Variants in EGR2 observed in about 807,000 individuals in gnomAD.
EGR2 encodes the protein early growth response 2, also known as E3 SUMO-protein ligase EGR2.
EGR2 carries 2 observed loss-of-function variants against 21.2 expected under a neutral mutation model. That is an observed-to-expected ratio of 0.09 (90% CI 0.04 to 0.30). The LOEUF (loss-of-function observed/expected upper bound fraction) is 0.30, where lower values mean the gene tolerates loss of function less well. Ranked by LOEUF, EGR2 falls within the 10% of genes least tolerant of loss-of-function variation. EGR2 has a pLI of 1.00. For synonymous variants in EGR2, 282 were observed against 258.2 expected, an observed-to-expected ratio of 1.09 and a Z score of -0.88; for missense variants, 458 against 630.2, an observed-to-expected ratio of 0.73 and a Z score of 2.93.
Position 62,815,863 on chromosome 10 carries a change from C to T in EGR2, c.167G>A (p.Gly56Glu), listed in dbSNP as rs1183395861. Residue 56 changes from glycine (G) to glutamate (E), a missense_variant and splice_region_variant, in exon 1 of 2, where the codon GGA becomes GAA. Transcript: ENST00000242480. ...GPFDQMNGVA[G>E]DGMINIDMTG... ...GCCTGCGAAGACACGCGGCTTACCT[C>T]CGGCCACTCCGTTCATCTGGTCAAA... The T allele has an allele frequency of 1.9e-6, 3 of 1,613,930 alleles. No individual in the cohort carries two copies. In the South Asian group the frequency reaches 3.3e-5, roughly 18 times the overall value.
chr10:62,817,125 G>A (rs1838268584), upstream of EGR2, among the ~76,000 whole-genome samples: 1 of 152,134 alleles, frequency 6.6e-6, no homozygotes, highest in East Asian at 1.9e-4. The surrounding 1 kb of genome is among the most constrained non-coding windows in gnomAD (Gnocchi z 4.4). Flanking sequence ...TTACTGTGGG[G>A]AGCTTCGAGA....
chr10:62,815,946 C>T lies in EGR2; in HGVS notation c.84G>A (p.Val28=). The change falls in exon 1 of 2, where the codon GTG becomes GTA. Residue 28 remains valine, a synonymous_variant. Coordinates refer to ENST00000242480, the MANE Select transcript of EGR2 (RefSeq NM_000399.5). ...TCACCGACGTGGCGGCGAGGTCCTC[C>T]ACCGGGTAGATGTTGTCAGACAGCT... ...VHQLSDNIYP[V]EDLAATSVTI... 1 of 1,614,230 alleles carries T rather than the reference C, an allele frequency of 6.2e-7. No homozygotes were observed. Among genetic ancestry groups the T allele is most frequent in the South Asian group, 1.1e-5 (1 of 91,080 alleles).
In EGR2 at chr10:62,816,302, A is replaced by G; in HGVS notation, c.-273T>C. ...CTGGGAAGCCAGGAGTTGCTGGTGT[A>G]GTGTTATTATAACAGTCAGTGAGTC... On this transcript the variant is annotated 5_prime_UTR_variant, in exon 1 of 2. Transcript: ENST00000242480. 1 of 1,329,710 alleles carries G rather than the reference A, an allele frequency of 7.5e-7. No individual in the cohort carries two copies. Among genetic ancestry groups the G allele is most frequent in the East Asian group, 3.4e-5 (1 of 29,830 alleles). 82.4% of individuals were successfully genotyped at this position (1,329,710 alleles called of 1,614,324 possible). A position where few individuals can be genotyped will look rare whatever the true frequency, so the allele number is the denominator to read the frequency against.
At chr10:62,817,911 C>G (rs879877841), upstream of EGR2, among the ~76,000 whole-genome samples, 3 of 152,234 alleles carry the variant, frequency 2.0e-5, no homozygotes, top group Non-Finnish European at 2.9e-5. The surrounding 1 kb of genome is among the most constrained non-coding windows in gnomAD (Gnocchi z 4.4). Context: ...TCCCGGGTGC[C>G]CAAGTCCAGC....
At position 62,814,436 on chromosome 10, in the gene EGR2, T is replaced by G. The variant is rs1042629449; in HGVS notation, c.202A>C (p.Lys68Gln). The change falls in exon 2 of 2, where the codon AAG becomes CAG. Residue 68 changes from lysine to glutamine, a missense_variant. Physicochemically the swap from Lys to Gln is moderately conservative, Grantham distance 53. This residue lies in a region of EGR2 where 91 missense variants were observed against 105.2 expected (regional missense o/e 0.87). Coordinates refer to ENST00000242480, the MANE Select transcript of EGR2 (RefSeq NM_000399.5). The surrounding 1 kb of genome is among the most constrained non-coding windows in gnomAD (Gnocchi z 4.8). ...GMINIDMTGEKRSLDLPYPSS... is the reference protein window; with the variant it reads ...GMINIDMTGEQRSLDLPYPSS... ...GGATATGGGAGATCCAACGACCTCT[T>G]CTCTCCAGTCATGTCAATGTTGATC... is the stretch of plus-strand genomic sequence containing the variant. 2 of 1,614,046 alleles carry G rather than the reference T, an allele frequency of 1.2e-6. No individual in the cohort carries two copies. The highest frequency in any genetic ancestry group is 8.5e-7 in the Non-Finnish European group (1 of 1,180,008).
Position 62,814,445 on chromosome 10 carries a change from T to G in EGR2, c.193A>C (p.Thr65Pro). The G allele has an allele frequency of 6.2e-7, 1 of 1,613,996 alleles. No individual in the cohort carries two copies. The highest frequency in any genetic ancestry group is 8.5e-7 in the Non-Finnish European group (1 of 1,179,982). ...AGATCCAACGACCTCTTCTCTCCAG[T>G]CATGTCAATGTTGATCATGCCATCT... ...AGDGMINIDM[T>P]GEKRSLDLPY... Residue 65 changes from threonine (T) to proline (P), a missense_variant, in exon 2 of 2, where the codon ACT becomes CCT. By Grantham distance (38) the Thr-to-Pro change is conservative. This residue lies in a region of EGR2 where 91 missense variants were observed against 105.2 expected (regional missense o/e 0.87). Coordinates refer to ENST00000242480, the MANE Select transcript of EGR2 (RefSeq NM_000399.5). The surrounding 1 kb of genome is among the most constrained non-coding windows in gnomAD (Gnocchi z 4.8).
At position 62,816,100 on chromosome 10, in the gene EGR2, G is replaced by A; in HGVS notation, c.-71C>T. ...GTGTCAGAAAAGCCGTTTTGGAGAG[G>A]GGTTGGACTGAGCCTGGGATGGTAT... is the stretch of plus-strand genomic sequence containing the variant. On this transcript the variant is annotated 5_prime_UTR_variant, in exon 1 of 2. Coordinates refer to ENST00000242480, the MANE Select transcript of EGR2 (RefSeq NM_000399.5). 6.2e-7 allele frequency: 1 copy of A among 1,613,102 alleles called. No individual in the cohort carries two copies. The highest frequency in any genetic ancestry group is 8.5e-7 in the Non-Finnish European group (1 of 1,179,854).
upstream of EGR2, chr10:62,818,667 G>C: frequency 8.1e-7 from 1 of 1,235,192 alleles, no homozygotes; most frequent in Non-Finnish European, 1.1e-6. Flanking sequence ...AAAGAACGGG[G>C]GAAAGCCGAA....
upstream of EGR2, chr10:62,818,523 A>G: frequency 3.3e-6 from 4 of 1,201,528 alleles, no homozygotes; most frequent in Non-Finnish European, 4.3e-6. Context: ...AAGCAAGAAA[A>G]GATAGCTGCG....
chr10:62,812,396 A>G lies in EGR2; in HGVS notation c.*811T>C, dbSNP rs1842131728. On this transcript the variant is annotated 3_prime_UTR_variant, in exon 2 of 2. Coordinates refer to ENST00000242480, the MANE Select transcript of EGR2 (RefSeq NM_000399.5). The stretch of plus-strand genomic sequence containing the variant: ...TGCATGCATCCTAGTTTCAGAGAAT[A>G]TATGTACATCCCCCTTAAATAAGTT... 2.6e-5 allele frequency: 4 copies of G among 152,812 alleles called. No individual in the cohort carries two copies. Among genetic ancestry groups the G allele is most frequent in the Admixed American group, 2.0e-4 (3 of 15,284 alleles). The allele number at this position is 152,812 out of a possible 1,614,324, so 9.5% of individuals were successfully genotyped here.
rs1269313182 is a variant in EGR2 at position 62,814,057 on chromosome 10, G to A, written c.581C>T (p.Thr194Ile). Residue 194 changes from threonine to isoleucine, a missense_variant, in exon 2 of 2, where the codon ACC becomes ATC. This residue lies in a region of EGR2 where 253 missense variants were observed against 315.5 expected (regional missense o/e 0.80). Coordinates refer to ENST00000242480, the MANE Select transcript of EGR2 (RefSeq NM_000399.5). This position sits in a 1 kb window ranked among gnomAD's most constrained non-coding sequence, Gnocchi z 4.8. ...DPSAFLSAATTSTSSSLAYPP... is the reference protein window; with the variant it reads ...DPSAFLSAATISTSSSLAYPP... ...GTAGGCCAGAGAGGAAGAGGTGGAG[G>A]TGGTGGCTGCTGACAGGAACGCAGA... 3.7e-6 allele frequency: 6 copies of A among 1,614,020 alleles called. No homozygotes were observed. The highest frequency in any genetic ancestry group is 2.7e-5 in the African/African-American group (2 of 74,906).
At position 62,814,725 on chromosome 10, in the gene EGR2, C is replaced by T. The variant is rs1465927996; in HGVS notation, c.170-257G>A. On this transcript the variant is annotated intron_variant, in intron 1 of 1. Transcript: ENST00000242480. The surrounding 1 kb of genome is among the most constrained non-coding windows in gnomAD (Gnocchi z 4.8). The stretch of plus-strand genomic sequence containing the variant: ...GAATGAGCTTTTCCCAACTCCCCTC[C>T]ACCCCCAGCCATCTGTGGCTCTAGT... Among the ~76,000 whole-genome samples the T allele has an allele frequency of 6.6e-6, 1 of 152,200 alleles. No homozygotes were observed. Among genetic ancestry groups the T allele is most frequent in the African/African-American group, 2.4e-5 (1 of 41,440 alleles).
In EGR2 at chr10:62,814,233, G is replaced by A. The variant is rs768180179; in HGVS notation, c.405C>T (p.Ser135=). Reference sequence around the variant, plus strand: ...GTGGGTTGGGGGAGGCAGAGGTGACGCTGGATGAGGCTGTGGTTGAAGCTG... The same window carrying A: ...GTGGGTTGGGGGAGGCAGAGGTGACACTGGATGAGGCTGTGGTTGAAGCTG... ...TSPASTTASS[S]VTSASPNPLA... Residue 135 remains serine, a synonymous_variant, in exon 2 of 2, where the codon AGC becomes AGT. Transcript: ENST00000242480. The surrounding 1 kb of genome is among the most constrained non-coding windows in gnomAD (Gnocchi z 4.8). 5.6e-6 allele frequency: 9 copies of A among 1,614,032 alleles called. No homozygotes were observed. The East Asian group carries it at 1.3e-4, about 24-fold the overall frequency.
Position 62,814,579 on chromosome 10 carries a change from T to C in EGR2, c.170-111A>G, listed in dbSNP as rs933747148. On this transcript the variant is annotated intron_variant, in intron 1 of 1. Transcript: ENST00000242480. This position sits in a 1 kb window ranked among gnomAD's most constrained non-coding sequence, Gnocchi z 4.8. The stretch of plus-strand genomic sequence containing the variant: ...TCCAAGGCCGAGAGTCTCAGCACTG[T>C]AGAGCTGTGGCAAAGTCCAAAAGGT... 1.8e-6 allele frequency: 2 copies of C among 1,103,246 alleles called. No individual in the cohort carries two copies. Among genetic ancestry groups the C allele is most frequent in the African/African-American group, 1.5e-5 (1 of 65,328 alleles). The allele number at this position is 1,103,246 out of a possible 1,614,324, so 68.3% of individuals were successfully genotyped here.
Position 62,813,076 on chromosome 10 carries a change from G to C in EGR2, c.*131C>G. The C allele has an allele frequency of 9.6e-7, 1 of 1,040,454 alleles. No individual in the cohort carries two copies. Among genetic ancestry groups the C allele is most frequent in the Non-Finnish European group, 1.4e-6 (1 of 723,304 alleles). The allele number at this position is 1,040,454 out of a possible 1,614,324, so 64.5% of individuals were successfully genotyped here. A position where few individuals can be genotyped will look rare whatever the true frequency, so the allele number is the denominator to read the frequency against. ...TCTAGGTGGAAAGGGGGCAGTGCTA[G>C]CTCCACCAAAGCCCTTTGCCCAACA... On this transcript the variant is annotated 3_prime_UTR_variant, in exon 2 of 2. Transcript: ENST00000242480. This position sits in a 1 kb window ranked among gnomAD's most constrained non-coding sequence, Gnocchi z 5.7.
rs1383787789 is a variant in EGR2 at position 62,814,288 on chromosome 10, C to A, written c.350G>T (p.Ser117Ile). 1 of 1,614,154 alleles carries A rather than the reference C, an allele frequency of 6.2e-7. No homozygotes were observed. Among genetic ancestry groups the A allele is most frequent in the Non-Finnish European group, 8.5e-7 (1 of 1,180,030 alleles). The change falls in exon 2 of 2, where the codon AGT becomes ATT. Residue 117 changes from serine to isoleucine, a missense_variant. Ser to Ile is a moderately radical substitution (Grantham distance 142). Around this residue, in one of 5 missense-constraint regions of EGR2, gnomAD observed 253 missense variants for 315.5 expected, o/e 0.80. Transcript: ENST00000242480. The surrounding 1 kb of genome is among the most constrained non-coding windows in gnomAD (Gnocchi z 4.8). ...AGTGACCCCTTGCAAGATGCCTGCA[C>A]TCACAATATTGATTATGCCTTCTGG... ...CYPEGIINIV[S>I]AGILQGVTSP...
In EGR2 at chr10:62,813,983, G is replaced by A; in HGVS notation, c.655C>T (p.Leu219Phe). 6.2e-7 allele frequency: 1 copy of A among 1,614,170 alleles called. No individual in the cohort carries two copies. Among genetic ancestry groups the A allele is most frequent in the East Asian group, 2.2e-5 (1 of 44,880 alleles). ...GGATAGTCTGGGATCATTGGGAAGAGACCTGGGTCCGTGGCTGGCTTGGGG... is the reference window on the plus strand; with the variant it reads ...GGATAGTCTGGGATCATTGGGAAGAAACCTGGGTCCGTGGCTGGCTTGGGG... ...PSPKPATDPG[L>F]FPMIPDYPGF... Residue 219 changes from leucine to phenylalanine, a missense_variant, in exon 2 of 2, where the codon CTC becomes TTC. Leu to Phe is a conservative substitution (Grantham distance 22). Around this residue, in one of 5 missense-constraint regions of EGR2, gnomAD observed 253 missense variants for 315.5 expected, o/e 0.80. Coordinates refer to ENST00000242480, the MANE Select transcript of EGR2 (RefSeq NM_000399.5). This position sits in a 1 kb window ranked among gnomAD's most constrained non-coding sequence, Gnocchi z 5.7.
rs1362405556 is a variant in EGR2, at chr10:62,812,342, C to T, written c.*865G>A. The T allele has an allele frequency of 6.5e-6, 1 of 152,738 alleles. No individual in the cohort carries two copies. The highest frequency in any genetic ancestry group is 2.4e-5 in the African/African-American group (1 of 41,428). The allele number at this position is 152,738 out of a possible 1,614,324, so 9.5% of individuals were successfully genotyped here. ...ACCTTGTAACATTGTCTACATCACA[C>T]AAGGCACCAAGGACACTTCCAACAC... On this transcript the variant is annotated 3_prime_UTR_variant, in exon 2 of 2. Coordinates refer to ENST00000242480, the MANE Select transcript of EGR2 (RefSeq NM_000399.5).
chr10:62,814,793 A>G lies in EGR2; in HGVS notation c.170-325T>C, dbSNP rs994077733. On this transcript the variant is annotated intron_variant, in intron 1 of 1. Transcript: ENST00000242480. The surrounding 1 kb of genome is among the most constrained non-coding windows in gnomAD (Gnocchi z 4.8). The stretch of plus-strand genomic sequence containing the variant: ...CAATAATAGCAACAACAATATTTTA[A>G]AAAGCCTCATCCGCCCGGAGCTTTT... 1.3e-5 allele frequency among the ~76,000 whole-genome samples: 2 copies of G among 152,186 alleles called. No individual in the cohort carries two copies. Among genetic ancestry groups the G allele is most frequent in the Admixed American group, 1.3e-4 (2 of 15,286 alleles).
Sources: gnomAD v4.1 joint callset for allele counts (sites outside exome capture counted in the v4.1 genomes callset) on GRCh38, gnomAD v4.1.1 for gene constraint, gnomAD v4.1.1 regional missense constraint, Gnocchi (gnomAD v3.1) non-coding constraint, MANE v1.5 for transcripts, NCBI Gene and HGNC (gene_info 2026-07-23, HGNC 2026-07-21) for gene names.